ATP6V0A1: variants seen among roughly 807,000 people sequenced by gnomAD.
The protein encoded by ATP6V0A1 is V-type proton ATPase 116 kDa subunit a 1.
A neutral mutation model predicts 105.4 loss-of-function variants in ATP6V0A1; 43 were observed. The observed-to-expected ratio is 0.41, with a 90% confidence interval of 0.32 to 0.53. The LOEUF is 0.53. ATP6V0A1 is among the 20% of genes least tolerant of loss of function. ATP6V0A1 has a pLI of 0.30. For missense variants in ATP6V0A1, 676 were observed against 1,051.1 expected, an observed-to-expected ratio of 0.64 and a Z score of 4.93; for synonymous variants, 362 against 372.8, an observed-to-expected ratio of 0.97 and a Z score of 0.33.
chr17:42,492,277 G>A (rs369910282), intron 11 of ATP6V0A1, among the ~76,000 whole-genome samples: 41 of 152,222 alleles, frequency 2.7e-4, no homozygotes, highest in African/African-American at 9.4e-4. Flanking sequence ...GCTGAGGCCT[G>A]AGAATCACTT....
At chr17:42,510,319 A>G (rs2092290559) in intron 19 of ATP6V0A1, 2 of 152,260 alleles carry the variant, frequency 1.3e-5, no homozygotes, top group South Asian at 4.1e-4. Context: ...CTTGCCTTCA[A>G]AGACCTCCCA....
intron 10 of ATP6V0A1, among the ~76,000 whole-genome samples, chr17:42,489,528 GA>G (rs889191608): frequency 1.3e-5 from 2 of 151,914 alleles, no homozygotes; most frequent in East Asian, 3.9e-4. Flanking sequence ...TTGACAATGG[GA>G]AAAAAAATGA....
chr17:42,495,232 T>C, intron 13 of ATP6V0A1, 44 bp downstream of exon 13: 2 of 1,590,684 alleles, frequency 1.3e-6, no homozygotes, highest in Non-Finnish European at 1.7e-6. Flanking sequence ...ATTCCTTTCA[T>C]GTGCAGCCCT....
At chr17:42,500,982 G>A in intron 16 of ATP6V0A1, 59 bp downstream of exon 16, 1 of 1,543,762 alleles carries the variant, frequency 6.5e-7, no homozygotes, top group Non-Finnish European at 8.9e-7. Context: ...GAAGCCAGAT[G>A]TTTCTCTGAC....
intron 17 of ATP6V0A1, among the ~76,000 whole-genome samples, chr17:42,506,706 T>C (rs187424020): frequency 1.1e-4 from 17 of 152,332 alleles, no homozygotes; most frequent in Admixed American, 3.3e-4. Flanking sequence ...TGGTTTTTTT[T>C]CCCAAAGAGT....
intron 9 of ATP6V0A1, 68 bp from the exon 10 acceptor site, chr17:42,487,087 C>A: frequency 1.4e-6 from 2 of 1,453,730 alleles, no homozygotes; most frequent in Non-Finnish European, 1.9e-6. Context: ...TGCCTCTTTG[C>A]CATTCATACC....
At chr17:42,508,254 A>G (rs1467160124) in intron 18 of ATP6V0A1, among the ~76,000 whole-genome samples, 4 of 152,172 alleles carry the variant, frequency 2.6e-5, no homozygotes, top group Non-Finnish European at 5.9e-5. Context: ...TCTACTCATT[A>G]TGTTCTTTTT....
chr17:42,467,388 C>G (rs1247881330), intron 3 of ATP6V0A1, among the ~76,000 whole-genome samples: 1 of 152,108 alleles, frequency 6.6e-6, no homozygotes, highest in Non-Finnish European at 1.5e-5. Context: ...CATGATCTTG[C>G]CACTCTACTA....
At chr17:42,488,368 A>G (rs1045856772) in intron 10 of ATP6V0A1, among the ~76,000 whole-genome samples, 3 of 152,244 alleles carry the variant, frequency 2.0e-5, no homozygotes, top group Non-Finnish European at 4.4e-5. Context: ...GTTCTTAAAT[A>G]ATAGCTTAGA....
In ATP6V0A1 at chr17:42,490,541, A is replaced by G. The variant is rs1209663907; in HGVS notation, c.1078A>G (p.Thr360Ala). ...SILNRMQTNQ[T>A]PPTYNKTNKF... ...TTTGAACAGGATGCAGACAAACCAG[A>G]CTCCCCCAACCTATAACAAAACCAA... The change falls in exon 11 of 22, where the codon ACT (threonine) becomes GCT (alanine). Residue 360 changes from threonine to alanine, a missense_variant. By Grantham distance (58) the Thr-to-Ala change is moderately conservative. This residue lies in a region of ATP6V0A1 where 435 missense variants were observed against 642.2 expected (regional missense o/e 0.68). Transcript: ENST00000343619. 6.2e-7 allele frequency: 1 copy of G among 1,613,236 alleles called. No homozygotes were observed. Among genetic ancestry groups the G allele is most frequent in the East Asian group, 2.2e-5 (1 of 44,812 alleles).
At chr17:42,461,114 A>G (rs1018989830) in intron 2 of ATP6V0A1, 103 bp downstream of exon 2, 1 of 946,636 alleles carries the variant, frequency 1.1e-6, no homozygotes, top group Non-Finnish European at 1.7e-6. Context: ...CAAAAATAAC[A>G]TTATAGCACT....
intron 21 of ATP6V0A1, chr17:42,517,822 C>G (rs1269478576): frequency 2.0e-5 from 3 of 152,274 alleles, no homozygotes; most frequent in Admixed American, 1.3e-4. Flanking sequence ...ATACCTCCCA[C>G]TTTATCCCTG....
At chr17:42,473,210 C>T (rs899690747) in intron 5 of ATP6V0A1, among the ~76,000 whole-genome samples, 2 of 152,152 alleles carry the variant, frequency 1.3e-5, no homozygotes, top group Admixed American at 6.5e-5. Context: ...AATGACATCA[C>T]GTTAGAGGGT....
At chr17:42,471,017 A>T (rs929231217) in intron 5 of ATP6V0A1, 1 of 151,936 alleles carries the variant, frequency 6.6e-6, no homozygotes, top group African/African-American at 2.4e-5. Context: ...CAGCTACTCG[A>T]GAGGCTGAGG....
chr17:42,478,705 C>A, intron 7 of ATP6V0A1, 116 bp downstream of exon 7: 1 of 1,154,558 alleles, frequency 8.7e-7, no homozygotes, highest in Non-Finnish European at 1.1e-6. Context: ...TTATCTTTAT[C>A]TCTGCTCTAA....
At chr17:42,515,152 C>T (rs1397715657) in intron 21 of ATP6V0A1, among the ~76,000 whole-genome samples, 1 of 151,990 alleles carries the variant, frequency 6.6e-6, no homozygotes, top group Middle Eastern at 3.2e-3. Context: ...CTCAAACCAG[C>T]GTTGCCAGAT....
intron 9 of ATP6V0A1, among the ~76,000 whole-genome samples, 154 bp from the exon 10 acceptor site, chr17:42,487,001 G>C (rs2145925131): frequency 6.6e-6 from 1 of 152,232 alleles, no homozygotes; most frequent in East Asian, 1.9e-4. Flanking sequence ...CTAATTTCTT[G>C]TAATTTGGAA....
intron 5 of ATP6V0A1, among the ~76,000 whole-genome samples, chr17:42,472,398 T>A (rs931574807): frequency 6.6e-6 from 1 of 151,974 alleles, no homozygotes; most frequent in African/African-American, 2.4e-5. Flanking sequence ...AGTTGTACTT[T>A]AAATTTATAT....
chr17:42,464,213 A>G (rs1469984778), intron 2 of ATP6V0A1, among the ~76,000 whole-genome samples: 2 of 152,114 alleles, frequency 1.3e-5, no homozygotes, highest in African/African-American at 2.4e-5. Context: ...TTTTAATAGC[A>G]TTTATCACAA....
Sources: allele counts gnomAD v4.1 joint callset (sites outside exome capture counted in the v4.1 genomes callset), GRCh38; gene constraint gnomAD v4.1.1; regional missense constraint gnomAD v4.1.1; transcripts MANE v1.5; gene names NCBI Gene and HGNC (gene_info 2026-07-23, HGNC 2026-07-21).